The following EPHB4 variants were observed in gnomAD, a reference collection of about 807,000 sequenced individuals.
EPHB4 encodes EPH receptor B4.
In EPHB4, 50 loss-of-function variants were observed where a neutral mutation model predicts 110.6. That is an observed-to-expected ratio of 0.45 (90% CI 0.36 to 0.57). The LOEUF (loss-of-function observed/expected upper bound fraction) is 0.57. Among genes scored for constraint, EPHB4 ranks in the 20% least tolerant of loss-of-function variants. The pLI is 0.00. For missense variants in EPHB4, 1,128 were observed against 1,382.1 expected, an observed-to-expected ratio of 0.82 and a Z score of 2.91; for synonymous variants, 592 against 578.4, an observed-to-expected ratio of 1.02 and a Z score of -0.34.
rs763269858 is a variant in EPHB4 at position 100,822,630 on chromosome 7, C to T, written c.449G>A (p.Arg150His). The change falls in exon 4 of 17, where the codon CGC (arginine) becomes CAC (histidine). Residue 150 changes from arginine (R) to histidine (H), a missense_variant. This residue lies in a region of EPHB4 where 728 missense variants were observed against 828.6 expected (regional missense o/e 0.88). Coordinates refer to ENST00000358173, the MANE Select transcript of EPHB4 (RefSeq NM_004444.5). The surrounding 1 kb of genome is among the most constrained non-coding windows in gnomAD (Gnocchi z 4.7). The part of the protein sequence containing the change: ...TVAAEHLTRK[R>H]PGAEATGKVN... ...CTTCCCGGTGGCCTCGGCCCCAGGG[C>T]GCTTCCGGGTGAGATGCTCCGCGGC... is the stretch of plus-strand genomic sequence containing the variant. 1.9e-5 allele frequency: 31 copies of T among 1,595,426 alleles called. No homozygotes were observed. Among genetic ancestry groups the T allele is most frequent in the South Asian group, 2.2e-5 (2 of 89,660 alleles).
chr7:100,808,497 G>C (rs1002139680), intron 12 of EPHB4, among the ~76,000 whole-genome samples: 14 of 152,140 alleles, frequency 9.2e-5, no homozygotes, highest in Non-Finnish European at 1.9e-4. Flanking sequence ...AAGGTGCTGG[G>C]ATTACAGGCA....
At chr7:100,820,961 C>T (rs1283753417) in intron 4 of EPHB4, 1 of 151,948 alleles carries the variant, frequency 6.6e-6, no homozygotes, top group South Asian at 2.1e-4. Context: ...CCTGCCTCTA[C>T]TAAAAATACA....
At chr7:100,808,924 C>T (rs1481218737) in intron 12 of EPHB4, among the ~76,000 whole-genome samples, 1 of 152,094 alleles carries the variant, frequency 6.6e-6, no homozygotes, top group African/African-American at 2.4e-5. Flanking sequence ...TCCTTTGACC[C>T]CCTTTTCTCC....
intron 2 of EPHB4, 64 bp from the exon 3 acceptor site, chr7:100,823,995 G>T: frequency 6.6e-7 from 1 of 1,520,070 alleles, no homozygotes; most frequent in Non-Finnish European, 8.8e-7. Flanking sequence ...TGCATGGGGT[G>T]AATCCTATAA....
Position 100,813,078 on chromosome 7 carries a change from C to T in EPHB4, c.1870+17G>A. The T allele has an allele frequency of 6.2e-7, 1 of 1,613,236 alleles. No individual in the cohort carries two copies. On this transcript the variant is annotated intron_variant, in intron 11 of 16. Coordinates refer to ENST00000358173, the MANE Select transcript of EPHB4 (RefSeq NM_004444.5). ...CCCGCTTCGTTCCCAGGTGCCCGGG[C>T]AGCCTTCGGCTCTCACCTGCACCAA... is the stretch of plus-strand genomic sequence containing the variant.
intron 12 of EPHB4, among the ~76,000 whole-genome samples, 186 bp from the exon 13 acceptor site, chr7:100,807,766 C>A (rs1433172642): frequency 6.6e-6 from 1 of 152,078 alleles, no homozygotes; most frequent in Non-Finnish European, 1.5e-5. Context: ...GTAGCTGGAA[C>A]AATAGGCATG....
Position 100,805,587 on chromosome 7 carries a change from C to T in EPHB4, c.2592G>A (p.Arg864=). The change falls in exon 15 of 17, where the codon CGG becomes CGA. Residue 864 remains arginine, a synonymous_variant. Coordinates refer to ENST00000358173, the MANE Select transcript of EPHB4 (RefSeq NM_004444.5). ...LDCWQKDRNA[R]PRFPQVVSAL... ...CGCTGACCACCTGGGGGAAGCGGGGCCGGGCATTCCGGTCTTTCTGCCAAC... is the reference window on the plus strand; with the variant it reads ...CGCTGACCACCTGGGGGAAGCGGGGTCGGGCATTCCGGTCTTTCTGCCAAC... 1 of 1,555,404 alleles carries T rather than the reference C, an allele frequency of 6.4e-7. No homozygotes were observed. The highest frequency in any genetic ancestry group is 1.4e-5 in the African/African-American group (1 of 72,866).
chr7:100,812,660 A>T (rs1812962961), intron 12 of EPHB4, 87 bp downstream of exon 12: 1 of 1,523,722 alleles, frequency 6.6e-7, no homozygotes, highest in Non-Finnish European at 8.8e-7. Flanking sequence ...CCTGGGACCC[A>T]CTGTCTGTCC....
In EPHB4 at chr7:100,803,523, T is replaced by A; in HGVS notation, c.2902A>T (p.Met968Leu). The A allele has an allele frequency of 6.3e-7, 1 of 1,597,880 alleles. No individual in the cohort carries two copies. Among genetic ancestry groups the A allele is most frequent in the Non-Finnish European group, 8.5e-7 (1 of 1,172,172 alleles). The change falls in exon 17 of 17, where the codon ATG (methionine) becomes TTG (leucine). Residue 968 changes from methionine (M) to leucine (L), a missense_variant. By Grantham distance (15) the Met-to-Leu change is conservative (BLOSUM62 2). Around this residue, in one of 3 missense-constraint regions of EPHB4, gnomAD observed 209 missense variants for 240.5 expected, o/e 0.87. Transcript: ENST00000358173. Reference sequence around the variant, plus strand: ...GTTCCCGGCTTGGCCTGGGACTTCATGTGCTGGACACTGGCCAAGATTTTC... The same window carrying A: ...GTTCCCGGCTTGGCCTGGGACTTCAAGTGCTGGACACTGGCCAAGATTTTC... Reference protein sequence around the residue: ...QKKILASVQHMKSQAKPGTPG... With the variant: ...QKKILASVQHLKSQAKPGTPG...
In EPHB4 at chr7:100,817,300, G is replaced by T. The variant is rs1379490644; in HGVS notation, c.1480C>A (p.Leu494Met). 6.3e-7 allele frequency: 1 copy of T among 1,593,200 alleles called. No homozygotes were observed. Among genetic ancestry groups the T allele is most frequent in the South Asian group, 1.1e-5 (1 of 87,584 alleles). ...FLKTSENRAE[L>M]RGLKRGASYL... is the part of the protein sequence containing the mutation. Reference sequence around the variant, plus strand: ...CTGGCTCCCCGCTTCAGCCCCCGCAGCTCTGCCCGGTTTTCTGACGTCTTC... The same window carrying T: ...CTGGCTCCCCGCTTCAGCCCCCGCATCTCTGCCCGGTTTTCTGACGTCTTC... The change falls in exon 8 of 17, where the codon CTG (leucine) becomes ATG (methionine). Residue 494 changes from leucine to methionine, a missense_variant. By Grantham distance (15) the Leu-to-Met change is conservative (BLOSUM62 2). Coordinates refer to ENST00000358173, the MANE Select transcript of EPHB4 (RefSeq NM_004444.5).
intron 12 of EPHB4, among the ~76,000 whole-genome samples, chr7:100,812,544 G>A (rs560946445): frequency 1.5e-4 from 23 of 151,982 alleles, no homozygotes; most frequent in African/African-American, 4.8e-4. Context: ...AGCCGAGATC[G>A]CGCCACTGCA....
chr7:100,805,823 G>A (rs1203986161), intron 14 of EPHB4, 129 bp from the exon 15 acceptor site: 2 of 919,948 alleles, frequency 2.2e-6, no homozygotes, highest in Non-Finnish European at 3.0e-6. Context: ...AACAGATCCA[G>A]GAATCCTCCT....
At position 100,823,799 on chromosome 7, in the gene EPHB4, C is replaced by T. The variant is rs1026318685; in HGVS notation, c.256G>A (p.Val86Met). The change falls in exon 3 of 17, where the codon GTG becomes ATG. Residue 86 changes from valine to methionine, a missense_variant. This residue lies in a region of EPHB4 where 728 missense variants were observed against 828.6 expected (regional missense o/e 0.88). Coordinates refer to ENST00000358173, the MANE Select transcript of EPHB4 (RefSeq NM_004444.5). Reference protein sequence around the residue: ...GWVPRRGAVHVYATLRFTMLE... With the variant: ...GWVPRRGAVHMYATLRFTMLE... ...ATGGTGAAGCGCAGCGTGGCGTACA[C>T]GTGGACGGCGCCCCGCCGTGGGACC... 3.2e-5 allele frequency: 52 copies of T among 1,613,178 alleles called. No individual in the cohort carries two copies. The highest frequency in any genetic ancestry group is 3.7e-5 in the Non-Finnish European group (44 of 1,179,938).
chr7:100,815,193 C>T (rs776831617), intron 8 of EPHB4, among the ~76,000 whole-genome samples: 1 of 151,398 alleles, frequency 6.6e-6, no homozygotes, highest in Non-Finnish European at 1.5e-5. Flanking sequence ...CATGGTGGCT[C>T]ATGCCTACAG....
In EPHB4 at chr7:100,822,681, G is replaced by A. The variant is rs1446300677; in HGVS notation, c.412-14C>T. 1 of 1,537,828 alleles carries A rather than the reference G, an allele frequency of 6.5e-7. No individual in the cohort carries two copies. The highest frequency in any genetic ancestry group is 8.8e-7 in the Non-Finnish European group (1 of 1,138,318). Reference sequence around the variant, plus strand: ...CACCGTGTCCACCTGCCGGCGGGGGGGAGGCACACCGCTGCTGTCCCCACT... The same window carrying A: ...CACCGTGTCCACCTGCCGGCGGGGGAGAGGCACACCGCTGCTGTCCCCACT... On this transcript the variant is annotated splice_polypyrimidine_tract_variant and intron_variant, in intron 3 of 16. Transcript: ENST00000358173. This position sits in a 1 kb window ranked among gnomAD's most constrained non-coding sequence, Gnocchi z 4.7.
At chr7:100,813,305 GGT>G in intron 10 of EPHB4, 97 bp from the exon 11 acceptor site, 4 of 614,762 alleles carry the variant, frequency 6.5e-6, no homozygotes, top group Non-Finnish European at 9.8e-6. Context: ...CTGTCTCCGT[GGT>G]TTTTTTTTTT....
Position 100,822,754 on chromosome 7 carries a change from G to A in EPHB4, c.412-87C>T, listed in dbSNP as rs372498672. 125 of 1,430,704 alleles carry A rather than the reference G, an allele frequency of 8.7e-5. 1 individual carries two copies. In the African/African-American group the frequency reaches 1.4e-3, roughly 16 times the overall value. 88.6% of individuals were successfully genotyped at this position (1,430,704 alleles called of 1,614,324 possible). ...TGTGTTCTTCCCAGCTCACCCTCCC[G>A]GACCTCCTTGGTTCCCGTTCCAGAA... On this transcript the variant is annotated intron_variant, in intron 3 of 16. Transcript: ENST00000358173. The surrounding 1 kb of genome is among the most constrained non-coding windows in gnomAD (Gnocchi z 4.7).
chr7:100,805,707 G>A lies in EPHB4; in HGVS notation c.2485-13C>T. 1 of 1,451,826 alleles carries A rather than the reference G, an allele frequency of 6.9e-7. No homozygotes were observed. The highest frequency in any genetic ancestry group is 9.1e-7 in the Non-Finnish European group (1 of 1,101,876). 89.9% of individuals were successfully genotyped at this position (1,451,826 alleles called of 1,614,324 possible). ...TGGCATTGATCACCTGGAAAGAGGG[G>A]AAGAAGCTCTGGGTGAGGCTGTCCA... On this transcript the variant is annotated splice_polypyrimidine_tract_variant and intron_variant, in intron 14 of 16. Coordinates refer to ENST00000358173, the MANE Select transcript of EPHB4 (RefSeq NM_004444.5).
rs1321680538 is a variant in EPHB4, at chr7:100,822,372, C to A, written c.707G>T (p.Ser236Ile). The A allele has an allele frequency of 1.3e-6, 2 of 1,574,618 alleles. No individual in the cohort carries two copies. Among genetic ancestry groups the A allele is most frequent in the Non-Finnish European group, 1.7e-6 (2 of 1,159,524 alleles). The change falls in exon 4 of 17, where the codon AGC becomes ATC. Residue 236 changes from serine (S) to isoleucine (I), a missense_variant. Around this residue, in one of 3 missense-constraint regions of EPHB4, gnomAD observed 728 missense variants for 828.6 expected, o/e 0.88. Coordinates refer to ENST00000358173, the MANE Select transcript of EPHB4 (RefSeq NM_004444.5). The surrounding 1 kb of genome is among the most constrained non-coding windows in gnomAD (Gnocchi z 4.7). ...DAVPAPGPSP[S>I]LYCREDGQWA... ...CTGGCCATCCTCACGGCAGTAGAGG[C>A]TGGGGCTGGGGCCAGGGGCGGGGAC...
Sources: gnomAD v4.1 joint callset for allele counts (sites outside exome capture counted in the v4.1 genomes callset) on GRCh38, gnomAD v4.1.1 for gene constraint, gnomAD v4.1.1 regional missense constraint, Gnocchi (gnomAD v3.1) non-coding constraint, MANE v1.5 for transcripts, NCBI Gene and HGNC (gene_info 2026-07-23, HGNC 2026-07-21) for gene names.